The following RBMS3 variants were observed in gnomAD, a reference collection of about 807,000 sequenced individuals.
The protein encoded by RBMS3 is RNA binding motif single stranded interacting protein 3.
A neutral mutation model predicts 66.8 loss-of-function variants in RBMS3; 27 were observed. That is an observed-to-expected ratio of 0.40 (90% CI 0.30 to 0.56). The LOEUF (loss-of-function observed/expected upper bound fraction) is 0.56. Ranked by LOEUF, RBMS3 falls within the 20% of genes least tolerant of loss-of-function variation. The probability of loss-of-function intolerance (pLI) is 0.40; values close to 1 mark genes in which losing one functional copy is unlikely to be tolerated. For missense variants in RBMS3, 513 were observed against 549.5 expected (o/e 0.93, Z 0.66); for synonymous variants, 188 against 183.0 (o/e 1.03, Z -0.22).
In RBMS3 at chr3:29,281,796, G is replaced by C. The variant is rs200154145; in HGVS notation, c.75+40G>C. On this transcript the variant is annotated intron_variant, in intron 1 of 14. Coordinates refer to ENST00000383767, the MANE Select transcript of RBMS3 (RefSeq NM_001003793.3). ...ACGGTCTGGCGATCAGCGTGGTATC[G>C]TTCTGCACTTGGGATGGGAAACAGA... The C allele has an allele frequency of 1.3e-5, 20 of 1,529,622 alleles. No homozygotes were observed. The East Asian group carries it at 4.1e-4, about 32-fold the overall frequency. 94.8% of individuals were successfully genotyped at this position (1,529,622 alleles called of 1,614,324 possible). A position where few individuals can be genotyped will look rare whatever the true frequency, so the allele number is the denominator to read the frequency against.
At chr3:29,564,245 G>C (rs1241256913) in intron 3 of RBMS3, among the ~76,000 whole-genome samples, 1 of 152,032 alleles carries the variant, frequency 6.6e-6, no homozygotes, top group Non-Finnish European at 1.5e-5. Flanking sequence ...GGGAGGCCAA[G>C]GTGGGTGGAT....
At chr3:29,486,936 G>T (rs2043343166) in intron 2 of RBMS3, among the ~76,000 whole-genome samples, 1 of 151,750 alleles carries the variant, frequency 6.6e-6, no homozygotes, top group Admixed American at 6.6e-5. Context: ...TTCTTTTTCT[G>T]ATTTTTACTT....
intron 6 of RBMS3, among the ~76,000 whole-genome samples, chr3:29,817,825 G>A (rs951108581): frequency 4.0e-5 from 6 of 151,726 alleles, no homozygotes; most frequent in African/African-American, 1.5e-4. Flanking sequence ...AAAAAAACAA[G>A]CAGAAGGAGC....
At chr3:29,455,157 A>G (rs147650153) in intron 2 of RBMS3, among the ~76,000 whole-genome samples, 4 of 152,282 alleles carry the variant, frequency 2.6e-5, no homozygotes, top group African/African-American at 9.6e-5. Flanking sequence ...GCCACAACAT[A>G]CATGTATGTT....
chr3:29,900,573 A>G (rs1291538836), intron 10 of RBMS3, among the ~76,000 whole-genome samples: 8 of 151,644 alleles, frequency 5.3e-5, no homozygotes, highest in South Asian at 4.1e-4. Flanking sequence ...ATAGCAACAC[A>G]CTCATGAGGG....
intron 4 of RBMS3, among the ~76,000 whole-genome samples, chr3:29,670,768 GGA>G (rs1423505054): frequency 1.3e-5 from 2 of 152,206 alleles, no homozygotes; most frequent in Non-Finnish European, 2.9e-5. Flanking sequence ...CCAACTGGGT[GGA>G]GCCCACCCCA....
At chr3:29,830,548 A>G (rs1391784131) in intron 6 of RBMS3, among the ~76,000 whole-genome samples, 1 of 152,150 alleles carries the variant, frequency 6.6e-6, no homozygotes, top group African/African-American at 2.4e-5. Flanking sequence ...AGTAAAATAC[A>G]TAGAATGGGT....
At chr3:29,657,713 T>C (rs142072743) in intron 4 of RBMS3, among the ~76,000 whole-genome samples, 5 of 152,160 alleles carry the variant, frequency 3.3e-5, no homozygotes, top group Non-Finnish European at 7.3e-5. Context: ...CTTTGATTAG[T>C]GTAGGCAGTC....
chr3:29,293,341 G>A (rs891082286), intron 1 of RBMS3, among the ~76,000 whole-genome samples: 29 of 151,716 alleles, frequency 1.9e-4, no homozygotes, highest in African/African-American at 6.8e-4. Context: ...CAGCAAAGCC[G>A]TATTGCCATG....
intron 3 of RBMS3, among the ~76,000 whole-genome samples, chr3:29,580,263 C>A (rs1195702911): frequency 6.6e-6 from 1 of 152,146 alleles, no homozygotes; most frequent in African/African-American, 2.4e-5. Context: ...AAAATACTAG[C>A]ACTTTTTTCC....
intron 1 of RBMS3, among the ~76,000 whole-genome samples, chr3:29,324,278 G>T (rs1486185180): frequency 6.6e-6 from 1 of 152,140 alleles, no homozygotes; most frequent in East Asian, 1.9e-4. Flanking sequence ...GTCTGGTCTA[G>T]GTTCTTCTTT....
intron 1 of RBMS3, among the ~76,000 whole-genome samples, chr3:29,387,197 A>G (rs909489020): frequency 2.6e-5 from 4 of 152,148 alleles, no homozygotes; most frequent in Admixed American, 1.3e-4. Flanking sequence ...TTGTATCACT[A>G]TGGTTGACTT....
At chr3:29,599,096 G>C (rs1229370492) in intron 4 of RBMS3, among the ~76,000 whole-genome samples, 1 of 150,920 alleles carries the variant, frequency 6.6e-6, no homozygotes, top group Admixed American at 6.6e-5. Flanking sequence ...GAAAATAAAG[G>C]TCAAATTATC....
intron 1 of RBMS3, among the ~76,000 whole-genome samples, chr3:29,345,325 G>A (rs1376787753): frequency 1.3e-5 from 2 of 152,120 alleles, no homozygotes; most frequent in Admixed American, 6.5e-5. Flanking sequence ...AAAACTCATG[G>A]CTTTATCTGC....
intron 7 of RBMS3, among the ~76,000 whole-genome samples, chr3:29,877,651 C>T (rs944642079): frequency 4.6e-5 from 7 of 152,112 alleles, no homozygotes; most frequent in African/African-American, 7.2e-5. Context: ...AAGGAGCATC[C>T]CTTTAGCAGG....
intron 14 of RBMS3, among the ~76,000 whole-genome samples, chr3:29,995,998 T>G (rs1441216012): frequency 6.6e-6 from 1 of 152,146 alleles, no homozygotes; most frequent in Non-Finnish European, 1.5e-5. Flanking sequence ...TCAAGACCCA[T>G]CAGTGTGCTG....
intron 1 of RBMS3, among the ~76,000 whole-genome samples, chr3:29,345,913 T>C (rs767721679): frequency 3.3e-5 from 5 of 152,224 alleles, no homozygotes; most frequent in African/African-American, 4.8e-5. Flanking sequence ...AATTTTTTTA[T>C]ATAGAGAAGG....
intron 12 of RBMS3, among the ~76,000 whole-genome samples, chr3:29,978,156 G>A (rs1697721503): frequency 6.6e-6 from 1 of 152,162 alleles, no homozygotes; most frequent in South Asian, 2.1e-4. Flanking sequence ...CTATGTGCTT[G>A]CAGAGAAAGT....
intron 3 of RBMS3, among the ~76,000 whole-genome samples, chr3:29,541,151 A>G (rs2045740874): frequency 6.6e-6 from 1 of 152,190 alleles, no homozygotes; most frequent in Non-Finnish European, 1.5e-5. Flanking sequence ...TAAGCACTAA[A>G]TGAATATAAA....
Sources: gnomAD v4.1 joint callset for allele counts (sites outside exome capture counted in the v4.1 genomes callset) on GRCh38, gnomAD v4.1.1 for gene constraint, MANE v1.5 for transcripts, NCBI Gene and HGNC (gene_info 2026-07-23, HGNC 2026-07-21) for gene names.